Variants in PHLPP2 observed in about 807,000 individuals in gnomAD.
The protein encoded by PHLPP2 is PH domain leucine-rich repeat-containing protein phosphatase 2.
PHLPP2 carries 66 observed loss-of-function variants against 124.9 expected under a neutral mutation model. The ratio of observed to expected loss-of-function variants is 0.53; its 90% CI spans 0.43 to 0.65. PHLPP2 has a LOEUF of 0.65. PHLPP2 is among the 30% of genes least tolerant of loss of function. The pLI is 0.00. For synonymous variants in PHLPP2, 681 were observed against 624.7 expected, an observed-to-expected ratio of 1.09 and a Z score of -1.34; for missense variants, 1,685 against 1,600.4, an observed-to-expected ratio of 1.05 and a Z score of -0.90.
intron 10 of PHLPP2, among the ~76,000 whole-genome samples, chr16:71,670,585 G>T (rs956406409): frequency 6.6e-6 from 1 of 150,718 alleles, no homozygotes; most frequent in Non-Finnish European, 1.5e-5. Flanking sequence ...TTGGACAAAA[G>T]GGGGAAGAAA....
At position 71,671,263 on chromosome 16, in the gene PHLPP2, G is replaced by A. The variant is rs187918633; in HGVS notation, c.1532+999C>T. Among the ~76,000 whole-genome samples the A allele has an allele frequency of 3.5e-4, 53 of 152,224 alleles. No homozygotes were observed. In the Middle Eastern group the frequency reaches 0.031, roughly 88 times the overall value. The stretch of plus-strand genomic sequence containing the variant: ...TAACGAAATCAACAAAAAGAAACCT[G>A]GCTACAACAGTTAGTATTTCTTGAG... On this transcript the variant is annotated intron_variant, in intron 10 of 18. Coordinates refer to ENST00000568954, the MANE Select transcript of PHLPP2 (RefSeq NM_015020.3).
Position 71,714,816 on chromosome 16 carries a change from G to A in PHLPP2, c.-6-15C>T, listed in dbSNP as rs372919731. On this transcript the variant is annotated splice_polypyrimidine_tract_variant and intron_variant, in intron 1 of 18. Coordinates refer to ENST00000568954, the MANE Select transcript of PHLPP2 (RefSeq NM_015020.3). ...TTCATATTTCTCTAAAAAATATCAA[G>A]AGAAAGAAATCGTTAGCTAGAACAT... The A allele has an allele frequency of 3.7e-6, 6 of 1,602,816 alleles. No individual in the cohort carries two copies. The highest frequency in any genetic ancestry group is 5.1e-6 in the Non-Finnish European group (6 of 1,174,308).
chr16:71,712,986 C>T (rs550132794), intron 2 of PHLPP2, among the ~76,000 whole-genome samples: 1 of 152,122 alleles, frequency 6.6e-6, no homozygotes, highest in African/African-American at 2.4e-5. Flanking sequence ...GAACTAACAG[C>T]GATTTTCTTT....
At position 71,655,243 on chromosome 16, in the gene PHLPP2, T is replaced by C. The variant is rs752989344; in HGVS notation, c.2582A>G (p.His861Arg). The C allele has an allele frequency of 1.1e-5, 17 of 1,575,898 alleles. No individual in the cohort carries two copies. In the South Asian group the frequency reaches 1.6e-4, roughly 14 times the overall value. Residue 861 changes from histidine to arginine, a missense_variant, in exon 17 of 19, where the codon CAC becomes CGC. Coordinates refer to ENST00000568954, the MANE Select transcript of PHLPP2 (RefSeq NM_015020.3). Reference sequence around the variant, plus strand: ...ATTTTTCAACCCACCTGCTTACCTGTGAGATACCAAGAAGGTGTTAGCCAT... The same window carrying C: ...ATTTTTCAACCCACCTGCTTACCTGCGAGATACCAAGAAGGTGTTAGCCAT... ...VFMANTFLVS[H>R]RKLGMAGQKL...
At chr16:71,674,871 C>A (rs979751309) in intron 9 of PHLPP2, among the ~76,000 whole-genome samples, 8 of 152,172 alleles carry the variant, frequency 5.3e-5, no homozygotes, top group Non-Finnish European at 1.2e-4. Flanking sequence ...GTGGCACACT[C>A]CTGTAATCCC....
At chr16:71,708,486 G>C (rs1452287852) in intron 2 of PHLPP2, among the ~76,000 whole-genome samples, 2 of 152,008 alleles carry the variant, frequency 1.3e-5, no homozygotes, top group African/African-American at 4.8e-5. Context: ...TCCTTTTTCC[G>C]ACTCAGCCCG....
chr16:71,723,230 G>A (rs2045409525), intron 1 of PHLPP2: 1 of 152,270 alleles, frequency 6.6e-6, no homozygotes, highest in Non-Finnish European at 1.5e-5. Context: ...CGGGTAGCGA[G>A]CCCCGAGGGC....
At chr16:71,666,838 T>C (rs2044844066) in intron 12 of PHLPP2, among the ~76,000 whole-genome samples, 1 of 152,198 alleles carries the variant, frequency 6.6e-6, no homozygotes, top group African/African-American at 2.4e-5. Context: ...AGCTCAAAAT[T>C]GCCCAAAGAA....
chr16:71,651,894 C>T (rs1166900106), intron 18 of PHLPP2, among the ~76,000 whole-genome samples: 2 of 152,310 alleles, frequency 1.3e-5, no homozygotes, highest in South Asian at 4.1e-4. Context: ...TAACTCAAAA[C>T]AGACCATGGA....
intron 11 of PHLPP2, 117 bp downstream of exon 11, chr16:71,669,158 C>A: frequency 1.5e-6 from 1 of 645,214 alleles, no homozygotes; most frequent in Non-Finnish European, 2.8e-6. Flanking sequence ...GCCTCATGCT[C>A]AGCAGGTACT....
chr16:71,694,793 T>C (rs1484533324), intron 3 of PHLPP2, among the ~76,000 whole-genome samples: 1 of 152,048 alleles, frequency 6.6e-6, no homozygotes, highest in East Asian at 1.9e-4. Flanking sequence ...AAATTTTTTT[T>C]TTTATTTTTG....
intron 9 of PHLPP2, 109 bp downstream of exon 9, chr16:71,676,338 C>T: frequency 2.5e-6 from 2 of 791,784 alleles, no homozygotes; most frequent in South Asian, 1.7e-5. Flanking sequence ...CAATGAGCCA[C>T]AAACCCCATC....
chr16:71,670,726 GGAGGGGA>G (rs2044885336), intron 10 of PHLPP2, among the ~76,000 whole-genome samples: 1 of 18,110 alleles, frequency 5.5e-5, no homozygotes, highest in Non-Finnish European at 1.3e-4. Context: ...ACACACGAGA[GGAGGGGA>G]AGAGGAGGGG....
chr16:71,690,680 G>T lies in PHLPP2; in HGVS notation c.448C>A (p.Arg150=). The change falls in exon 4 of 19, where the codon CGA becomes AGA. Residue 150 remains arginine (R), a synonymous_variant. Coordinates refer to ENST00000568954, the MANE Select transcript of PHLPP2 (RefSeq NM_015020.3). ...EKPCHMDRLD[R]ILLSGIYNVR... ...TTATAGATGCCAGACAATAGGATTC[G>T]ATCCAAACGATCCATGTGGCATGGT... is the stretch of plus-strand genomic sequence containing the variant. The T allele has an allele frequency of 6.2e-7, 1 of 1,612,206 alleles. No individual in the cohort carries two copies. Among genetic ancestry groups the T allele is most frequent in the Non-Finnish European group, 8.5e-7 (1 of 1,179,064 alleles).
chr16:71,651,914 A>T lies in PHLPP2; in HGVS notation c.2817+876T>A, dbSNP rs564490398. Among the ~76,000 whole-genome samples, 365 of 152,368 alleles carry T rather than the reference A, an allele frequency of 2.4e-3. 2 individuals carry two copies. Among genetic ancestry groups the T allele is most frequent in the South Asian group, 4.8e-3 (23 of 4,826 alleles). On this transcript the variant is annotated intron_variant, in intron 18 of 18. Transcript: ENST00000568954. ...CAAAACAGACCATGGACCAAAATGT[A>T]AAACACAAAACTAAACTTCTAGAAG...
Position 71,696,998 on chromosome 16 carries a change from C to T in PHLPP2, c.418+5600G>A, listed in dbSNP as rs552120144. ...GAGACCTGGCCAACATGGTGAAACC[C>T]CATCTCTACTAAAAATACAAAAATT... On this transcript the variant is annotated intron_variant, in intron 3 of 18. Transcript: ENST00000568954. Among the ~76,000 whole-genome samples, 48 of 151,948 alleles carry T rather than the reference C, an allele frequency of 3.2e-4. 1 individual carries two copies. Among genetic ancestry groups the T allele is most frequent in the Middle Eastern group, 3.4e-3 (1 of 294 alleles).
intron 2 of PHLPP2, among the ~76,000 whole-genome samples, chr16:71,703,769 G>A (rs1342495013): frequency 6.6e-6 from 1 of 152,046 alleles, no homozygotes; most frequent in Non-Finnish European, 1.5e-5. Context: ...CTCATAAGAT[G>A]TTTAAATTTA....
intron 3 of PHLPP2, among the ~76,000 whole-genome samples, chr16:71,692,862 T>C (rs1004855670): frequency 1.3e-5 from 2 of 152,130 alleles, no homozygotes; most frequent in African/African-American, 4.8e-5. Flanking sequence ...CCATTGTGGA[T>C]ATGGACGACT....
chr16:71,684,728 C>T, intron 4 of PHLPP2, 127 bp from the exon 5 acceptor site: 1 of 852,400 alleles, frequency 1.2e-6, no homozygotes, highest in Non-Finnish European at 1.7e-6. Context: ...TTCTCTCTCC[C>T]TCCTTGTCCC....
Sources: gnomAD v4.1 joint callset for allele counts (sites outside exome capture counted in the v4.1 genomes callset) on GRCh38, gnomAD v4.1.1 for gene constraint, MANE v1.5 for transcripts, NCBI Gene and HGNC (gene_info 2026-07-23, HGNC 2026-07-21) for gene names.